ZBTB20: variants seen among roughly 807,000 people sequenced by gnomAD.
ZBTB20 encodes zinc finger and BTB domain-containing protein 20.
Under a neutral mutation model 56.9 loss-of-function variants are expected in ZBTB20, and 9 were observed. The ratio of observed to expected loss-of-function variants is 0.16; its 90% confidence interval spans 0.10 to 0.28. The LOEUF (loss-of-function observed/expected upper bound fraction) is 0.28. Ranked by LOEUF, ZBTB20 falls within the 10% of genes least tolerant of loss-of-function variation. The pLI is 1.00. For missense variants in ZBTB20, 655 were observed against 1,003.0 expected (o/e 0.65, Z 4.69); for synonymous variants, 417 against 420.7 (o/e 0.99, Z 0.11).
chr3:114,740,332 C>T (rs2066484194), intron 5 of ZBTB20, among the ~76,000 whole-genome samples: 1 of 152,052 alleles, frequency 6.6e-6, no homozygotes, highest in Non-Finnish European at 1.5e-5. Context: ...AGGTATGATG[C>T]TAATGAATGG....
chr3:114,493,984 T>C (rs2043014369), intron 7 of ZBTB20, among the ~76,000 whole-genome samples: 1 of 152,242 alleles, frequency 6.6e-6, no homozygotes, highest in Non-Finnish European at 1.5e-5. Flanking sequence ...AATCAAGTTC[T>C]ATCTCTACCA....
At chr3:114,858,519 T>C (rs1223159405) in intron 4 of ZBTB20, among the ~76,000 whole-genome samples, 2 of 151,240 alleles carry the variant, frequency 1.3e-5, no homozygotes, top group Middle Eastern at 3.5e-3. Flanking sequence ...TACTTGTGCG[T>C]GTATTCGTGT....
intron 2 of ZBTB20, among the ~76,000 whole-genome samples, chr3:115,003,725 G>C (rs1478524164): frequency 1.3e-5 from 2 of 151,506 alleles, no homozygotes; most frequent in Non-Finnish European, 3.0e-5. Context: ...TATTATGTTT[G>C]CAAGTGTCAG....
At position 114,829,120 on chromosome 3, in the gene ZBTB20, C is replaced by A. The variant is rs563840412; in HGVS notation, c.-416-27946G>T. 1.4e-4 allele frequency among the ~76,000 whole-genome samples: 22 copies of A among 151,818 alleles called. 1 individual carries two copies. The highest frequency in any genetic ancestry group is 1.4e-3 in the Admixed American group (22 of 15,196). ...ACTGTATGGTGCTTCTCAAAAAGGG[C>A]TCCTTAAGTATCCTATCTGATGTAT... On this transcript the variant is annotated intron_variant, in intron 4 of 11. Transcript: ENST00000675478.
chr3:114,723,012 T>A (rs1921489), intron 5 of ZBTB20, among the ~76,000 whole-genome samples: 2 of 152,180 alleles, frequency 1.3e-5, no homozygotes, highest in African/African-American at 2.4e-5. Context: ...TTATCATTCC[T>A]ATTAATGCTG....
At chr3:114,786,958 A>G (rs991408839) in intron 5 of ZBTB20, among the ~76,000 whole-genome samples, 1 of 152,006 alleles carries the variant, frequency 6.6e-6, no homozygotes, top group African/African-American at 2.4e-5. Context: ...AAATCGTGAA[A>G]CATGCAATGA....
chr3:114,384,339 G>A (rs936603953), intron 8 of ZBTB20, among the ~76,000 whole-genome samples: 6 of 151,962 alleles, frequency 3.9e-5, no homozygotes, highest in African/African-American at 1.5e-4. Flanking sequence ...TTAAGAATAA[G>A]AAAAGGGCAG....
At chr3:114,481,450 T>C (rs997901282) in intron 7 of ZBTB20, among the ~76,000 whole-genome samples, 3 of 152,078 alleles carry the variant, frequency 2.0e-5, no homozygotes, top group South Asian at 2.1e-4. Context: ...AATCATTGCA[T>C]TGGGAGAGAC....
At position 114,351,454 on chromosome 3, in the gene ZBTB20, G is replaced by T; in HGVS notation, c.624C>A (p.Gly208=). ...GDVFPGIQDS[G]QDTPRGTPES... ...CGGGAGTGCCCCGCGGCGTGTCCTGGCCCGAGTCCTGGATCCCCGGGAACA... is the reference window on the plus strand; with the variant it reads ...CGGGAGTGCCCCGCGGCGTGTCCTGTCCCGAGTCCTGGATCCCCGGGAACA... Residue 208 remains glycine (G), a synonymous_variant, in exon 11 of 12, where the codon GGC becomes GGA. Transcript: ENST00000675478. The T allele has an allele frequency of 6.2e-7, 1 of 1,613,636 alleles. No individual in the cohort carries two copies. The highest frequency in any genetic ancestry group is 8.5e-7 in the Non-Finnish European group (1 of 1,180,000).
chr3:114,805,239 C>A (rs981654305), intron 4 of ZBTB20, among the ~76,000 whole-genome samples: 19 of 151,794 alleles, frequency 1.3e-4, no homozygotes, highest in Non-Finnish European at 5.9e-5. Context: ...TCAGATGTCA[C>A]CAATTTTTCC....
chr3:115,124,637 A>C (rs986141569), intron 1 of ZBTB20, among the ~76,000 whole-genome samples: 3 of 152,180 alleles, frequency 2.0e-5, no homozygotes, highest in African/African-American at 7.2e-5. Flanking sequence ...TGGTATAGAG[A>C]TAGTCCAATC....
rs564853899 is a variant in ZBTB20 at position 114,946,429 on chromosome 3, G to T, written c.-456+27937C>A. On this transcript the variant is annotated intron_variant, in intron 3 of 11. Coordinates refer to ENST00000675478, the MANE Select transcript of ZBTB20 (RefSeq NM_001348800.3). The stretch of plus-strand genomic sequence containing the variant: ...AACTTGATAAAAGTCAAAAATTGGG[G>T]TCTTTTGGTAAAGAAAGACAAATAT... Among the ~76,000 whole-genome samples the T allele has an allele frequency of 4.3e-3, 620 of 145,264 alleles. 123 individuals carry two copies. Among genetic ancestry groups the T allele is most frequent in the African/African-American group, 0.017 (592 of 35,650 alleles).
At chr3:114,636,930 A>C (rs73224535) in intron 6 of ZBTB20, among the ~76,000 whole-genome samples, 10 of 151,672 alleles carry the variant, frequency 6.6e-5, no homozygotes, top group East Asian at 1.9e-4. Context: ...CAACAACAAA[A>C]AACAACAACA....
intron 4 of ZBTB20, among the ~76,000 whole-genome samples, chr3:114,808,622 A>G (rs1357530685): frequency 1.3e-5 from 2 of 151,930 alleles, no homozygotes; most frequent in Non-Finnish European, 2.9e-5. Context: ...TCTTTTCAAA[A>G]AACTAAGTTT....
chr3:115,129,391 T>C (rs2084435467), intron 1 of ZBTB20, among the ~76,000 whole-genome samples: 1 of 152,236 alleles, frequency 6.6e-6, no homozygotes, highest in Non-Finnish European at 1.5e-5. Flanking sequence ...TGTATTAAGA[T>C]GATACTTACG....
chr3:114,787,294 T>G, intron 5 of ZBTB20, among the ~76,000 whole-genome samples: 1 of 146,428 alleles, frequency 6.8e-6, no homozygotes, highest in African/African-American at 2.6e-5. Context: ...TGAGTCTTAA[T>G]GCATCAAGCT....
At chr3:114,346,840 C>G (rs1353070507) in intron 11 of ZBTB20, among the ~76,000 whole-genome samples, 1 of 151,820 alleles carries the variant, frequency 6.6e-6, no homozygotes, top group Non-Finnish European at 1.5e-5. Context: ...CATGCAGCAC[C>G]ATGCCTGGTT....
chr3:114,910,433 C>G (rs962150224), intron 3 of ZBTB20, among the ~76,000 whole-genome samples: 6 of 151,662 alleles, frequency 4.0e-5, no homozygotes, highest in African/African-American at 1.5e-4. Flanking sequence ...AGGAAAGCAC[C>G]TCAACTCTTG....
chr3:114,484,161 G>C (rs772466264), intron 7 of ZBTB20, among the ~76,000 whole-genome samples: 7 of 152,104 alleles, frequency 4.6e-5, no homozygotes, highest in Non-Finnish European at 8.8e-5. Context: ...TCTTATGTTT[G>C]TGCATTGTTT....
Sources: gnomAD v4.1 joint callset for allele counts (sites outside exome capture counted in the v4.1 genomes callset) on GRCh38, gnomAD v4.1.1 for gene constraint, MANE v1.5 for transcripts, NCBI Gene and HGNC (gene_info 2026-07-23, HGNC 2026-07-21) for gene names.